Variants in FAM169A observed in about 807,000 individuals in gnomAD.
FAM169A encodes the protein soluble lamin-associated protein of 75 kDa.
A neutral mutation model predicts 75.7 loss-of-function variants in FAM169A; 24 were observed. The observed-to-expected ratio is 0.32, with a 90% CI of 0.23 to 0.45. The LOEUF (loss-of-function observed/expected upper bound fraction) is 0.45. Ranked by LOEUF, FAM169A falls within the 20% of genes least tolerant of loss-of-function variation. FAM169A has a pLI of 1.00. For missense variants in FAM169A, 673 were observed against 784.0 expected (o/e 0.86, Z 1.69); for synonymous variants, 271 against 271.0 (o/e 1.00, Z 0.00).
intron 11 of FAM169A, among the ~76,000 whole-genome samples, chr5:74,791,448 C>T (rs1375265170): frequency 1.3e-5 from 2 of 152,108 alleles, no homozygotes; most frequent in Admixed American, 1.3e-4. Flanking sequence ...AACGCTGCCA[C>T]CAGGAGACAC....
chr5:74,830,530 G>C (rs1018886624), intron 5 of FAM169A, among the ~76,000 whole-genome samples: 2 of 152,140 alleles, frequency 1.3e-5, no homozygotes, highest in African/African-American at 4.8e-5. Flanking sequence ...AGACACAGGA[G>C]ATTATGAGAA....
intron 5 of FAM169A, among the ~76,000 whole-genome samples, chr5:74,814,916 C>T (rs1747391341): frequency 6.6e-6 from 1 of 152,098 alleles, no homozygotes; most frequent in African/African-American, 2.4e-5. Context: ...CTTTTATTCT[C>T]AGATTATTCA....
At chr5:74,805,065 T>C (rs1475749243) in intron 7 of FAM169A, 91 bp downstream of exon 7, 1 of 1,078,946 alleles carries the variant, frequency 9.3e-7, no homozygotes, top group Non-Finnish European at 1.4e-6. Context: ...ATTATTAGCC[T>C]CTGCTTTTTA....
At chr5:74,800,164 A>C (rs1387683845) in intron 10 of FAM169A, 1 of 427,950 alleles carries the variant, frequency 2.3e-6, no homozygotes, top group African/African-American at 2.0e-5. Flanking sequence ...AGCCAGCCCC[A>C]AGGAAACACT....
chr5:74,839,739 G>A lies in FAM169A; in HGVS notation c.232+335C>T, dbSNP rs1748761188. Among the ~76,000 whole-genome samples the A allele has an allele frequency of 2.6e-5, 4 of 151,850 alleles. No homozygotes were observed. In the South Asian group the frequency reaches 8.3e-4, roughly 32 times the overall value. ...GGGTTTCACCATGTTGGTCAGGCTG[G>A]TCTCAAACTTCTGACCTCAGGTGAT... On this transcript the variant is annotated intron_variant, in intron 3 of 12. Transcript: ENST00000687041.
In FAM169A at chr5:74,866,051, G is replaced by A. The variant is rs1012269862; in HGVS notation, c.-4+114C>T. The stretch of plus-strand genomic sequence containing the variant: ...CCCGCAGGGGCCGCCCACAGCCGGT[G>A]GCCCGCGTCGCCGCTCGGTGTCCGC... On this transcript the variant is annotated intron_variant, in intron 1 of 12. Coordinates refer to ENST00000687041, the MANE Select transcript of FAM169A (RefSeq NM_001376049.1). 735 of 424,978 alleles carry A rather than the reference G, an allele frequency of 1.7e-3. 2 individuals are homozygous for A. Among genetic ancestry groups the A allele is most frequent in the Non-Finnish European group, 2.1e-3 (675 of 318,068 alleles). 26.3% of individuals were successfully genotyped at this position (424,978 alleles called of 1,614,324 possible). A position where few individuals can be genotyped will look rare whatever the true frequency, so the allele number is the denominator to read the frequency against.
chr5:74,848,492 G>A (rs950258447), intron 1 of FAM169A: 2 of 151,994 alleles, frequency 1.3e-5, no homozygotes, highest in African/African-American at 2.4e-5. Flanking sequence ...ATTTTCTTTT[G>A]TAAAATATAA....
chr5:74,834,588 G>C lies in FAM169A; in HGVS notation c.328C>G (p.Leu110Val), dbSNP rs767133707. The part of the protein sequence containing the change: ...SREGLKQVST[L>V]GERVVLYVLN... ...ACATACAGAACCACTCTCTCCCCAA[G>C]AGTGCTCACCTACAAAGAGAGTCAA... The change falls in exon 5 of 13, where the codon CTT becomes GTT. Residue 110 changes from leucine (L) to valine (V), a missense_variant. Around this residue, in one of 3 missense-constraint regions of FAM169A, gnomAD observed 107 missense variants for 180.8 expected, o/e 0.59. Coordinates refer to ENST00000687041, the MANE Select transcript of FAM169A (RefSeq NM_001376049.1). 2.6e-6 allele frequency: 4 copies of C among 1,560,630 alleles called. No homozygotes were observed. The highest frequency in any genetic ancestry group is 1.7e-4 in the Middle Eastern group (1 of 5,904).
chr5:74,784,167 G>A (rs547616937), intron 11 of FAM169A, among the ~76,000 whole-genome samples: 2 of 152,004 alleles, frequency 1.3e-5, no homozygotes, highest in African/African-American at 4.8e-5. Flanking sequence ...TCATGAGATC[G>A]GATGTATTTT....
chr5:74,813,855 A>G lies in FAM169A; in HGVS notation c.655T>C (p.Ser219Pro). ...GTCCATTTACCTGTATACATGAGAG[A>G]AGACAGTGGATACCGCAAGCCAAGC... Reference protein sequence around the residue: ...DALGLRYPLSSLMYTACKQYF... With the variant: ...DALGLRYPLSPLMYTACKQYF... The change falls in exon 6 of 13, where the codon TCT (serine) becomes CCT (proline). Residue 219 changes from serine to proline, a missense_variant. This residue lies in a region of FAM169A where 510 missense variants were observed against 550.9 expected (regional missense o/e 0.93). Coordinates refer to ENST00000687041, the MANE Select transcript of FAM169A (RefSeq NM_001376049.1). The G allele has an allele frequency of 6.3e-7, 1 of 1,579,498 alleles. No individual in the cohort carries two copies. The highest frequency in any genetic ancestry group is 2.3e-5 in the East Asian group (1 of 44,220).
intron 1 of FAM169A, among the ~76,000 whole-genome samples, chr5:74,858,640 C>T (rs1451600273): frequency 3.3e-5 from 5 of 152,104 alleles, no homozygotes; most frequent in African/African-American, 1.2e-4. Context: ...GTACTATGCA[C>T]ACTACCTCAG....
intron 1 of FAM169A, among the ~76,000 whole-genome samples, chr5:74,863,114 C>T (rs1305886074): frequency 6.6e-6 from 1 of 151,650 alleles, no homozygotes; most frequent in African/African-American, 2.4e-5. Context: ...ATGAGTAGTC[C>T]CCTATACAGA....
At chr5:74,829,120 A>G (rs1284162477) in intron 5 of FAM169A, among the ~76,000 whole-genome samples, 2 of 152,226 alleles carry the variant, frequency 1.3e-5, no homozygotes, top group Non-Finnish European at 2.9e-5. Flanking sequence ...AACTCAGTAT[A>G]GAACAATTTT....
At chr5:74,830,948 C>A (rs1283050483) in intron 5 of FAM169A, among the ~76,000 whole-genome samples, 2 of 152,144 alleles carry the variant, frequency 1.3e-5, no homozygotes, top group Non-Finnish European at 2.9e-5. Flanking sequence ...ACACTACCTG[C>A]ATTTACTCTT....
chr5:74,855,568 C>T (rs1006569755), intron 1 of FAM169A, among the ~76,000 whole-genome samples: 1 of 152,024 alleles, frequency 6.6e-6, no homozygotes, highest in African/African-American at 2.4e-5. Context: ...ACCAGTTTGC[C>T]GTTTGTATGT....
At position 74,781,052 on chromosome 5, in the gene FAM169A, T is replaced by C. The variant is rs1745387353; in HGVS notation, c.*408A>G. The C allele has an allele frequency of 6.3e-6, 1 of 157,666 alleles. No individual in the cohort carries two copies. Among genetic ancestry groups the C allele is most frequent in the Admixed American group, 6.4e-5 (1 of 15,618 alleles). 9.8% of individuals were successfully genotyped at this position (157,666 alleles called of 1,614,324 possible). A position where few individuals can be genotyped will look rare whatever the true frequency, so the allele number is the denominator to read the frequency against. On this transcript the variant is annotated 3_prime_UTR_variant, in exon 13 of 13. Coordinates refer to ENST00000687041, the MANE Select transcript of FAM169A (RefSeq NM_001376049.1). ...GGTGATTAGTTTTGAAATTTAAAAC[T>C]TCTAGAACCCTCACCAAGTTTTACT...
At chr5:74,795,181 C>T (rs1180741076) in intron 11 of FAM169A, among the ~76,000 whole-genome samples, 1 of 152,028 alleles carries the variant, frequency 6.6e-6, no homozygotes, top group East Asian at 1.9e-4. Flanking sequence ...TCACTTGAAC[C>T]CAGGAAGCAG....
At chr5:74,858,424 T>C (rs560460303) in intron 1 of FAM169A, among the ~76,000 whole-genome samples, 1 of 152,178 alleles carries the variant, frequency 6.6e-6, no homozygotes, top group African/African-American at 2.4e-5. Context: ...ATCGTGTCCT[T>C]TGCAGCAACA....
At chr5:74,858,492 G>A (rs1749840380) in intron 1 of FAM169A, among the ~76,000 whole-genome samples, 1 of 152,104 alleles carries the variant, frequency 6.6e-6, no homozygotes, top group South Asian at 2.1e-4. Context: ...AAGAAAAACC[G>A]AATACCACAT....
Sources: gnomAD v4.1 joint callset for allele counts (sites outside exome capture counted in the v4.1 genomes callset) on GRCh38, gnomAD v4.1.1 for gene constraint, gnomAD v4.1.1 regional missense constraint, MANE v1.5 for transcripts, NCBI Gene and HGNC (gene_info 2026-07-23, HGNC 2026-07-21) for gene names.